The following LINGO2 variants were observed in gnomAD, a reference collection of about 807,000 sequenced individuals.
LINGO2 encodes the protein leucine rich repeat and Ig domain containing 2.
LINGO2 carries 14 observed loss-of-function variants against 30.6 expected under a neutral mutation model. That is an observed-to-expected ratio of 0.46 (90% CI 0.30 to 0.72). LINGO2 has a LOEUF of 0.72. LINGO2 is among the 30% of genes least tolerant of loss of function. The pLI is 0.07. For missense variants in LINGO2, 729 were observed against 751.7 expected, an observed-to-expected ratio of 0.97 and a Z score of 0.35; for synonymous variants, 317 against 288.5, an observed-to-expected ratio of 1.10 and a Z score of -1.00.
rs1821624365 is a variant in LINGO2, at chr9:28,387,320, C to A, written c.-278-14452G>T. 5.9e-5 allele frequency among the ~76,000 whole-genome samples: 9 copies of A among 152,118 alleles called. 1 individual carries two copies. In the South Asian group the frequency reaches 1.9e-3, roughly 32 times the overall value. ...CACCAATCAGCACTATAAAAACGCA[C>A]CAATTGGCGCTCTGTGTCTAGCTAA... On this transcript the variant is annotated intron_variant, in intron 2 of 5. Coordinates refer to ENST00000379992, the Ensembl canonical transcript of LINGO2.
At chr9:28,631,446 G>A (rs556630884) in intron 1 of LINGO2, among the ~76,000 whole-genome samples, 6 of 151,942 alleles carry the variant, frequency 3.9e-5, no homozygotes, top group African/African-American at 1.5e-4. Flanking sequence ...AAGGGATCCA[G>A]TTTCAGCTTT....
At chr9:27,993,448 G>A (rs986714274) in intron 5 of LINGO2, among the ~76,000 whole-genome samples, 2 of 152,022 alleles carry the variant, frequency 1.3e-5, no homozygotes, top group Admixed American at 6.6e-5. Context: ...TGAGGTGGAG[G>A]ATTGCTTGAG....
chr9:28,117,705 C>G (rs537388210), intron 4 of LINGO2, among the ~76,000 whole-genome samples: 4 of 141,820 alleles, frequency 2.8e-5, no homozygotes, highest in African/African-American at 5.3e-5. Flanking sequence ...TTCTTTGACT[C>G]GGAAAGGGAA....
At chr9:29,137,116 C>T in the LINGO2 span, among the ~76,000 whole-genome samples, 8 of 152,086 alleles carry the variant, frequency 5.3e-5, no homozygotes, top group East Asian at 1.3e-3. Context: ...TGAATCTTGT[C>T]CTGAGTATTG....
chr9:28,754,193 T>C, the LINGO2 span, among the ~76,000 whole-genome samples: 1 of 152,084 alleles, frequency 6.6e-6, no homozygotes, highest in East Asian at 1.9e-4. Flanking sequence ...CATTACTATA[T>C]ACAAGATTCT....
intron 3 of LINGO2, among the ~76,000 whole-genome samples, chr9:28,357,283 A>T (rs1436328254): frequency 1.3e-5 from 2 of 149,366 alleles, no homozygotes; most frequent in African/African-American, 5.0e-5. Flanking sequence ...TATTAGTTAA[A>T]CCTCTAAAAG....
the LINGO2 span, among the ~76,000 whole-genome samples, chr9:29,193,770 G>T: frequency 6.6e-6 from 1 of 152,106 alleles, no homozygotes; most frequent in Non-Finnish European, 1.5e-5. Context: ...CTCTTTTAAG[G>T]AGAGCTTCTG....
intron 4 of LINGO2, among the ~76,000 whole-genome samples, chr9:28,106,032 T>G (rs374686855): frequency 2.0e-3 from 308 of 152,232 alleles, no homozygotes; most frequent in South Asian, 0.01. Context: ...AGCAGCAGCA[T>G]CAGATTCTCA....
chr9:28,179,534 A>G (rs1267949906), intron 4 of LINGO2, among the ~76,000 whole-genome samples: 1 of 71,516 alleles, frequency 1.4e-5, no homozygotes, highest in Admixed American at 1.7e-4. Context: ...TATAAACTAT[A>G]TATAGTTTTT....
the LINGO2 span, among the ~76,000 whole-genome samples, chr9:29,009,767 T>A: frequency 6.6e-6 from 1 of 152,192 alleles, no homozygotes; most frequent in Non-Finnish European, 1.5e-5. Flanking sequence ...TCATGCTACC[T>A]GACTTCAAAC....
chr9:29,114,286 C>T, the LINGO2 span, among the ~76,000 whole-genome samples: 2 of 151,634 alleles, frequency 1.3e-5, no homozygotes, highest in East Asian at 1.9e-4. Flanking sequence ...AGTACCACGG[C>T]TTCAAGTTTA....
chr9:29,060,988 A>C, the LINGO2 span, among the ~76,000 whole-genome samples: 1 of 152,032 alleles, frequency 6.6e-6, no homozygotes, highest in Admixed American at 6.6e-5. Flanking sequence ...AATGGCTGAA[A>C]ACTACCCACA....
the LINGO2 span, among the ~76,000 whole-genome samples, chr9:28,884,941 T>TA: frequency 1.5e-4 from 3 of 19,806 alleles, no homozygotes; most frequent in African/African-American, 2.4e-4. Context: ...TTATATATAA[T>TA]ATATATAATA....
chr9:28,418,275 C>CT (rs3064826), intron 2 of LINGO2, among the ~76,000 whole-genome samples: 8,744 of 106,688 alleles, frequency 0.082, 530 homozygotes, highest in Middle Eastern at 0.11. Flanking sequence ...AGGCCATGTA[C>CT]TTTTTTTTTT....
intron 4 of LINGO2, among the ~76,000 whole-genome samples, chr9:28,218,116 T>C (rs1820832101): frequency 6.7e-6 from 1 of 148,720 alleles, no homozygotes; most frequent in South Asian, 2.1e-4. Flanking sequence ...ATCATAATTA[T>C]ATTATATTAT....
At chr9:28,764,351 A>C in the LINGO2 span, among the ~76,000 whole-genome samples, 1 of 151,974 alleles carries the variant, frequency 6.6e-6, no homozygotes, top group Admixed American at 6.6e-5. Context: ...AGTTGCTTGA[A>C]CATATGCAAA....
intron 1 of LINGO2, among the ~76,000 whole-genome samples, chr9:28,546,568 G>T (rs1397997426): frequency 6.6e-6 from 1 of 152,042 alleles, no homozygotes; most frequent in Non-Finnish European, 1.5e-5. Flanking sequence ...GACAAGCTGG[G>T]TCAAACAATT....
At chr9:28,273,452 C>T (rs996533130) in intron 4 of LINGO2, among the ~76,000 whole-genome samples, 3 of 152,058 alleles carry the variant, frequency 2.0e-5, no homozygotes, top group African/African-American at 7.2e-5. Context: ...GAAAATGGTC[C>T]CTTAGTATTT....
At chr9:28,764,590 A>G in the LINGO2 span, among the ~76,000 whole-genome samples, 1 of 152,112 alleles carries the variant, frequency 6.6e-6, no homozygotes, top group Non-Finnish European at 1.5e-5. Context: ...AGTATTTGGT[A>G]CAAGACAAAG....
Sources: gnomAD v4.1 joint callset for allele counts (sites outside exome capture counted in the v4.1 genomes callset) on GRCh38, gnomAD v4.1.1 for gene constraint, MANE v1.5 for transcripts, NCBI Gene and HGNC (gene_info 2026-07-23, HGNC 2026-07-21) for gene names.